CADPS: variants seen among roughly 807,000 people sequenced by gnomAD.
CADPS encodes calcium dependent secretion activator.
Under a neutral mutation model 167.3 loss-of-function variants are expected in CADPS, and 57 were observed. That is an observed-to-expected ratio of 0.34 (90% CI 0.28 to 0.42). The LOEUF (loss-of-function observed/expected upper bound fraction) is 0.42. Among genes scored for constraint, CADPS ranks in the 20% least tolerant of loss-of-function variants. CADPS has a pLI of 1.00. For missense variants in CADPS, 1,414 were observed against 1,738.1 expected, an observed-to-expected ratio of 0.81 and a Z score of 3.32; for synonymous variants, 676 against 635.3, an observed-to-expected ratio of 1.06 and a Z score of -0.96.
At chr3:62,477,826 T>C (rs2061514342) in intron 23 of CADPS, among the ~76,000 whole-genome samples, 1 of 152,226 alleles carries the variant, frequency 6.6e-6, no homozygotes, top group Non-Finnish European at 1.5e-5. Context: ...ATCCACATTG[T>C]TAGAAAACCA....
chr3:62,482,761 C>A (rs912783232), intron 21 of CADPS, among the ~76,000 whole-genome samples: 2 of 152,132 alleles, frequency 1.3e-5, no homozygotes, highest in African/African-American at 4.8e-5. Flanking sequence ...ACTTTTTGAT[C>A]TGTGTGATGG....
chr3:62,415,358 G>T (rs2049853576), intron 28 of CADPS, among the ~76,000 whole-genome samples: 1 of 151,918 alleles, frequency 6.6e-6, no homozygotes, highest in African/African-American at 2.4e-5. Context: ...CTGAATGGAG[G>T]CATGACCTCC....
intron 1 of CADPS, among the ~76,000 whole-genome samples, chr3:62,805,196 G>C (rs1051232605): frequency 1.3e-5 from 2 of 152,148 alleles, no homozygotes; most frequent in Non-Finnish European, 2.9e-5. Context: ...AATGGGGTTA[G>C]GGGTCAAAAT....
chr3:62,492,469 A>C, intron 19 of CADPS, 23 bp from the exon 20 acceptor site: 2 of 1,609,530 alleles, frequency 1.2e-6, no homozygotes, highest in Non-Finnish European at 1.7e-6. Flanking sequence ...GCAGAAAAAC[A>C]ATAGACAAAG....
chr3:62,764,008 TTTAA>T (rs2086215600), intron 2 of CADPS, among the ~76,000 whole-genome samples: 2 of 152,210 alleles, frequency 1.3e-5, no homozygotes, highest in Admixed American at 6.5e-5. Context: ...AATTTTCACA[TTTAA>T]TTAATAGATA....
intron 3 of CADPS, among the ~76,000 whole-genome samples, chr3:62,689,067 C>T (rs905462137): frequency 1.3e-5 from 2 of 152,032 alleles, no homozygotes; most frequent in Admixed American, 1.3e-4. Context: ...GATTTGACAG[C>T]TTTCAAGAGT....
intron 3 of CADPS, among the ~76,000 whole-genome samples, chr3:62,739,910 A>G (rs1345514306): frequency 1.3e-5 from 2 of 152,256 alleles, no homozygotes; most frequent in Non-Finnish European, 2.9e-5. Flanking sequence ...TTATGCCTGT[A>G]TCTTACTAGT....
intron 9 of CADPS, among the ~76,000 whole-genome samples, chr3:62,563,764 C>T (rs1341020291): frequency 6.6e-6 from 1 of 152,080 alleles, no homozygotes; most frequent in Non-Finnish European, 1.5e-5. Flanking sequence ...ATAGTTTAGC[C>T]CCCACTTATG....
At chr3:62,696,194 C>A (rs1375949508) in intron 3 of CADPS, among the ~76,000 whole-genome samples, 1 of 152,036 alleles carries the variant, frequency 6.6e-6, no homozygotes, top group Non-Finnish European at 1.5e-5. Context: ...CTCTGCAAAC[C>A]AGGCTTCTGC....
chr3:62,528,033 T>C (rs1412205078), intron 13 of CADPS, among the ~76,000 whole-genome samples: 1 of 152,210 alleles, frequency 6.6e-6, no homozygotes. Flanking sequence ...AATTCTGGTT[T>C]TCCCCACAAA....
chr3:62,526,742 G>C (rs2072334401), intron 13 of CADPS, among the ~76,000 whole-genome samples: 1 of 152,082 alleles, frequency 6.6e-6, no homozygotes, highest in Admixed American at 6.5e-5. Flanking sequence ...TCAGAAAATG[G>C]GTTCAGTTTT....
intron 3 of CADPS, among the ~76,000 whole-genome samples, chr3:62,690,262 G>A (rs1911190): frequency 0.87 from 132,556 of 151,648 alleles, 58,092 homozygotes; most frequent in East Asian, 0.98. Flanking sequence ...CTGAGAGGGA[G>A]AACAAAAGTT....
chr3:62,717,539 TG>T (rs781299871), intron 3 of CADPS, among the ~76,000 whole-genome samples: 9 of 152,192 alleles, frequency 5.9e-5, no homozygotes, highest in Admixed American at 2.6e-4. Flanking sequence ...TTTAAAAACC[TG>T]GGAATCATGC....
intron 18 of CADPS, 104 bp from the exon 19 acceptor site, chr3:62,493,769 A>G: frequency 1.1e-6 from 1 of 950,288 alleles, no homozygotes; most frequent in Admixed American, 2.1e-5. Context: ...TTACAGTAAA[A>G]CCTCACTGAT....
rs375724935 is a variant in CADPS, at chr3:62,516,562, T to C, written c.2457+18A>G. Reference sequence around the variant, plus strand: ...TCTTTTTATATATATGTGATCTATCTTTTACTTTCATTCTTACCCTTTCCA... The same window carrying C: ...TCTTTTTATATATATGTGATCTATCCTTTACTTTCATTCTTACCCTTTCCA... On this transcript the variant is annotated intron_variant, in intron 15 of 29. Coordinates refer to ENST00000383710, the MANE Select transcript of CADPS (RefSeq NM_003716.4). 3.2e-6 allele frequency: 5 copies of C among 1,571,582 alleles called. No individual in the cohort carries two copies. Among genetic ancestry groups the C allele is most frequent in the Non-Finnish European group, 3.5e-6 (4 of 1,149,396 alleles).
intron 17 of CADPS, among the ~76,000 whole-genome samples, chr3:62,503,580 A>G (rs1209347147): frequency 2.0e-5 from 3 of 152,222 alleles, no homozygotes; most frequent in African/African-American, 7.2e-5. Context: ...TCAACATGTC[A>G]AAATCTGTCA....
At chr3:62,450,596 G>C (rs1156583691) in intron 26 of CADPS, among the ~76,000 whole-genome samples, 3 of 152,158 alleles carry the variant, frequency 2.0e-5, no homozygotes, top group African/African-American at 7.2e-5. Context: ...CAGCATTCAT[G>C]AACCCTCTTG....
At chr3:62,831,427 T>C (rs371895450) in intron 1 of CADPS, among the ~76,000 whole-genome samples, 1 of 152,256 alleles carries the variant, frequency 6.6e-6, no homozygotes, top group African/African-American at 2.4e-5. Context: ...ATTGTCACAG[T>C]CACTGATTAG....
intron 3 of CADPS, among the ~76,000 whole-genome samples, chr3:62,752,056 C>CT (rs1457614773): frequency 1.3e-5 from 2 of 152,078 alleles, no homozygotes; most frequent in Non-Finnish European, 2.9e-5. Context: ...TTTAGGAACA[C>CT]TTGACTCTCT....
Sources: allele counts gnomAD v4.1 joint callset (sites outside exome capture counted in the v4.1 genomes callset), GRCh38; gene constraint gnomAD v4.1.1; transcripts MANE v1.5; gene names NCBI Gene and HGNC (gene_info 2026-07-23, HGNC 2026-07-21).